CD82: variants seen among roughly 807,000 people sequenced by gnomAD.
CD82 encodes CD82 antigen.
A neutral mutation model predicts 37.4 loss-of-function variants in CD82; 36 were observed. The observed-to-expected ratio is 0.96, with a 90% CI of 0.74 to 1.27. The LOEUF (loss-of-function observed/expected upper bound fraction) is 1.27. Ranked by LOEUF, CD82 falls within the 50% of genes most tolerant of loss-of-function variation. The probability of loss-of-function intolerance (pLI) is 0.00; values close to 1 mark genes in which losing one functional copy is unlikely to be tolerated. For missense variants in CD82, 340 were observed against 347.0 expected (o/e 0.98, Z 0.16); for synonymous variants, 158 against 137.4 (o/e 1.15, Z -1.05).
chr11:44,583,143 G>A (rs1489281009), intron 1 of CD82, among the ~76,000 whole-genome samples: 1 of 152,220 alleles, frequency 6.6e-6, no homozygotes, highest in Admixed American at 6.5e-5. Context: ...CATTGGGAGG[G>A]AGTGGGGGCT....
At position 44,597,672 on chromosome 11, in the gene CD82, C is replaced by T. The variant is rs1304488128; in HGVS notation, c.64-2486C>T. On this transcript the variant is annotated intron_variant, in intron 3 of 9. Coordinates refer to ENST00000227155, the MANE Select transcript of CD82 (RefSeq NM_002231.4). The surrounding 1 kb of genome is among the most constrained non-coding windows in gnomAD (Gnocchi z 4.1). ...TGCCAAGAGGGGATTTTCTGTCCTG[C>T]CTCCCATTCCCTTTTGGTAGGGGCT... Among the ~76,000 whole-genome samples, 1 of 152,214 alleles carries T rather than the reference C, an allele frequency of 6.6e-6. No individual in the cohort carries two copies. Among genetic ancestry groups the T allele is most frequent in the East Asian group, 1.9e-4 (1 of 5,188 alleles).
intron 1 of CD82, among the ~76,000 whole-genome samples, chr11:44,570,574 C>T (rs370983199): frequency 2.0e-5 from 3 of 152,300 alleles, no homozygotes; most frequent in Non-Finnish European, 2.9e-5. Flanking sequence ...AAAGTGGAGC[C>T]GGGAAGCAGG....
At chr11:44,594,553 A>G in intron 2 of CD82, 90 bp from the exon 3 acceptor site, 2 of 799,096 alleles carry the variant, frequency 2.5e-6, no homozygotes, top group Non-Finnish European at 4.5e-6. Flanking sequence ...CCTCTAAGGC[A>G]GGGACAGGGT....
intron 1 of CD82, among the ~76,000 whole-genome samples, chr11:44,577,476 C>T (rs1358081752): frequency 1.3e-5 from 2 of 152,100 alleles, no homozygotes; most frequent in Non-Finnish European, 2.9e-5. Context: ...GGTTGGTTAA[C>T]TCCCCAGTGA....
chr11:44,572,204 G>A, intron 1 of CD82, among the ~76,000 whole-genome samples: 1 of 152,218 alleles, frequency 6.6e-6, no homozygotes, highest in Non-Finnish European at 1.5e-5. Context: ...GCATTGCAGA[G>A]ACTGAATGGC....
intron 1 of CD82, 134 bp from the exon 2 acceptor site, chr11:44,587,341 A>G: frequency 1.6e-5 from 7 of 433,190 alleles, no homozygotes; most frequent in South Asian, 6.6e-5. Flanking sequence ...GGGGAAGAGG[A>G]CAGAGGAATG....
intron 6 of CD82, among the ~76,000 whole-genome samples, chr11:44,611,917 A>AG (rs1409282933): frequency 7.9e-5 from 12 of 152,206 alleles, no homozygotes; most frequent in Admixed American, 7.9e-4. Context: ...GGAGAGAAAC[A>AG]GGGAAGTCCA....
chr11:44,587,222 A>T, intron 1 of CD82: 1 of 344,328 alleles, frequency 2.9e-6, no homozygotes, highest in Non-Finnish European at 5.8e-6. Flanking sequence ...AAATACGGGA[A>T]AAGAGTAATT....
intron 2 of CD82, chr11:44,587,852 G>C: frequency 3.2e-6 from 1 of 317,192 alleles, no homozygotes. Flanking sequence ...CCGTCTCTTC[G>C]GACTCAGGGG....
intron 1 of CD82, among the ~76,000 whole-genome samples, chr11:44,571,429 C>T (rs1852813377): frequency 6.6e-6 from 1 of 152,126 alleles, no homozygotes. Flanking sequence ...GTTTCAGCAT[C>T]TATAAAATGG....
chr11:44,605,265 A>G (rs1224169950), intron 5 of CD82, 83 bp downstream of exon 5: 1 of 1,609,392 alleles, frequency 6.2e-7, no homozygotes, highest in East Asian at 2.2e-5. Context: ...TGGCCGTAAC[A>G]TCGGGTGGAG....
chr11:44,585,224 C>A (rs1305395972), intron 1 of CD82: 2 of 456,150 alleles, frequency 4.4e-6, no homozygotes, highest in African/African-American at 4.0e-5. Flanking sequence ...CTGGATCAGG[C>A]CTCAGAGGGC....
chr11:44,581,790 G>T (rs939535904), intron 1 of CD82, among the ~76,000 whole-genome samples: 1 of 152,222 alleles, frequency 6.6e-6, no homozygotes, highest in African/African-American at 2.4e-5. Flanking sequence ...AGGAGAGGGT[G>T]CGGTTCCCTA....
chr11:44,599,565 G>A (rs531336493), intron 3 of CD82, among the ~76,000 whole-genome samples: 2 of 152,378 alleles, frequency 1.3e-5, no homozygotes, highest in East Asian at 1.9e-4. Context: ...AGCCAGCCCT[G>A]CCCTCAGGGA....
intron 6 of CD82, among the ~76,000 whole-genome samples, chr11:44,613,032 A>G (rs933866180): frequency 1.3e-5 from 2 of 152,058 alleles, no homozygotes; most frequent in African/African-American, 4.8e-5. Context: ...TCATTCAAGG[A>G]CTGCCCATGG....
intron 2 of CD82, among the ~76,000 whole-genome samples, chr11:44,590,527 C>T (rs1393734175): frequency 1.4e-5 from 2 of 139,360 alleles, no homozygotes; most frequent in South Asian, 2.4e-4. Flanking sequence ...AGGAGAATGG[C>T]GTGAACCCAG....
intron 1 of CD82, among the ~76,000 whole-genome samples, chr11:44,566,658 C>G (rs1360112837): frequency 6.6e-6 from 1 of 152,212 alleles, no homozygotes; most frequent in Non-Finnish European, 1.5e-5. Context: ...TATCCAATAG[C>G]AGGAGCAAGC....
intron 6 of CD82, among the ~76,000 whole-genome samples, chr11:44,612,623 ATT>A (rs34301171): frequency 1.3e-4 from 8 of 63,068 alleles, no homozygotes; most frequent in Non-Finnish European, 1.6e-4. Flanking sequence ...CCCAGCATTA[ATT>A]TTTTTTTTTT....
At position 44,573,590 on chromosome 11, in the gene CD82, G is replaced by A. The variant is rs76329390; in HGVS notation, c.-103+7854G>A. Reference sequence around the variant, plus strand: ...TGAACTAGTCACTTATTTTCCATCCGAAAGCCCCTCTTATCTGCTTTCTCT... The same window carrying A: ...TGAACTAGTCACTTATTTTCCATCCAAAAGCCCCTCTTATCTGCTTTCTCT... On this transcript the variant is annotated intron_variant, in intron 1 of 9. Transcript: ENST00000227155. 4.8e-3 allele frequency among the ~76,000 whole-genome samples: 729 copies of A among 152,306 alleles called. 17 individuals are homozygous for A. The East Asian group carries it at 0.092, about 19-fold the overall frequency.
Sources: gnomAD v4.1 joint callset for allele counts (sites outside exome capture counted in the v4.1 genomes callset) on GRCh38, gnomAD v4.1.1 for gene constraint, Gnocchi (gnomAD v3.1) non-coding constraint, MANE v1.5 for transcripts, NCBI Gene and HGNC (gene_info 2026-07-23, HGNC 2026-07-21) for gene names.